Variants in ROBO2 observed in about 807,000 individuals in gnomAD.
ROBO2 encodes roundabout guidance receptor 2.
A neutral mutation model predicts 160.8 loss-of-function variants in ROBO2; 53 were observed. The ratio of observed to expected loss-of-function variants is 0.33; its 90% confidence interval spans 0.26 to 0.41. ROBO2 has a LOEUF of 0.41. Ranked by LOEUF, ROBO2 falls within the 10% of genes least tolerant of loss-of-function variation. The pLI is 1.00. For missense variants in ROBO2, 1,577 were observed against 1,722.4 expected, an observed-to-expected ratio of 0.92 and a Z score of 1.49; for synonymous variants, 664 against 611.7, an observed-to-expected ratio of 1.09 and a Z score of -1.26.
At chr3:77,060,568 T>G (rs997481436) in intron 1 of ROBO2, among the ~76,000 whole-genome samples, 7 of 152,304 alleles carry the variant, frequency 4.6e-5, no homozygotes, top group African/African-American at 1.7e-4. Flanking sequence ...CTTTGGTATA[T>G]TGATCACTTT....
At position 76,218,227 on chromosome 3, in the gene ROBO2, G is replaced by T. The variant is rs1387591919; in HGVS notation, c.109+280625G>T. On this transcript the variant is annotated intron_variant, in intron 2 of 26. Coordinates refer to the ROBO2 transcript ENST00000487694. ...TATCATACTGAATGGACAAAAACTG[G>T]AAGCATTCCCTTTAAAAACTGGCAC... Among the ~76,000 whole-genome samples the T allele has an allele frequency of 2.0e-5, 3 of 152,136 alleles. No homozygotes were observed. In the East Asian group the frequency reaches 5.8e-4, roughly 29 times the overall value.
At chr3:77,589,981 A>C (rs1216850855) in intron 17 of ROBO2, among the ~76,000 whole-genome samples, 1 of 152,098 alleles carries the variant, frequency 6.6e-6, no homozygotes, top group African/African-American at 2.4e-5. Flanking sequence ...CAGAGGCGTC[A>C]TTGATTATTA....
At chr3:76,452,400 C>A (rs2109289526) in intron 2 of ROBO2, among the ~76,000 whole-genome samples, 1 of 152,122 alleles carries the variant, frequency 6.6e-6, no homozygotes, top group African/African-American at 2.4e-5. Flanking sequence ...GTTCAATTCC[C>A]AGCTATAAGT....
intron 2 of ROBO2, among the ~76,000 whole-genome samples, chr3:77,420,819 G>C (rs982135742): frequency 6.6e-6 from 1 of 152,144 alleles, no homozygotes; most frequent in Non-Finnish European, 1.5e-5. Context: ...AGGCATTCTA[G>C]AATGTTTCCC....
chr3:77,020,046 A>G, intron 2 of ROBO2, among the ~76,000 whole-genome samples: 1 of 152,318 alleles, frequency 6.6e-6, no homozygotes, highest in Non-Finnish European at 1.5e-5. Flanking sequence ...TACAGAGCCC[A>G]ACCATTTATT....
At position 76,802,674 on chromosome 3, in the gene ROBO2, G is replaced by A. The variant is rs2064310968; in HGVS notation, c.110-295340G>A. 2.0e-5 allele frequency among the ~76,000 whole-genome samples: 3 copies of A among 148,568 alleles called. No homozygotes were observed. The South Asian group carries it at 6.4e-4, about 32-fold the overall frequency. Reference sequence around the variant, plus strand: ...ACCCAGGAGGCGGAGCTTGCAGTGAGCCAAGATGGCGTCACTGCACTCCAG... The same window carrying A: ...ACCCAGGAGGCGGAGCTTGCAGTGAACCAAGATGGCGTCACTGCACTCCAG... On this transcript the variant is annotated intron_variant, in intron 2 of 26. Coordinates refer to the ROBO2 transcript ENST00000487694.
chr3:76,869,453 C>T (rs372912513), intron 2 of ROBO2, among the ~76,000 whole-genome samples: 24 of 150,406 alleles, frequency 1.6e-4, no homozygotes, highest in African/African-American at 5.4e-4. Flanking sequence ...GGGTTCACGC[C>T]ATTCTCCTGC....
At chr3:76,751,710 A>C (rs1264686186) in intron 2 of ROBO2, among the ~76,000 whole-genome samples, 3 of 152,218 alleles carry the variant, frequency 2.0e-5, no homozygotes, top group African/African-American at 7.2e-5. Flanking sequence ...ATCACTGGCC[A>C]TCAGAGAAAT....
chr3:76,249,763 T>C (rs1404009825), intron 2 of ROBO2, among the ~76,000 whole-genome samples: 2 of 152,074 alleles, frequency 1.3e-5, no homozygotes, highest in African/African-American at 4.8e-5. Context: ...ACAAATGGAA[T>C]GAGAGAGAGG....
At chr3:76,633,156 C>T (rs2090126592) in intron 2 of ROBO2, among the ~76,000 whole-genome samples, 2 of 151,966 alleles carry the variant, frequency 1.3e-5, no homozygotes, top group Admixed American at 6.6e-5. Flanking sequence ...TGTGTCAATA[C>T]CAGGTACTGC....
At chr3:77,034,648 T>C (rs1268875527) in intron 2 of ROBO2, among the ~76,000 whole-genome samples, 1 of 151,918 alleles carries the variant, frequency 6.6e-6, no homozygotes, top group African/African-American at 2.4e-5. Context: ...AGAGATTCAG[T>C]GAGCATACAA....
chr3:77,556,179 CCTT>C (rs2093114471), intron 8 of ROBO2, among the ~76,000 whole-genome samples: 1 of 151,744 alleles, frequency 6.6e-6, no homozygotes, highest in African/African-American at 2.4e-5. Context: ...TGTTCATTGG[CCTT>C]CTCTTTTTGA....
chr3:76,888,995 G>A (rs2074132220), intron 2 of ROBO2, among the ~76,000 whole-genome samples: 1 of 152,192 alleles, frequency 6.6e-6, no homozygotes. Flanking sequence ...ATGTTGGGAA[G>A]GATCTTCATC....
intron 2 of ROBO2, among the ~76,000 whole-genome samples, chr3:76,942,194 C>T (rs974536587): frequency 1.3e-5 from 2 of 152,158 alleles, no homozygotes; most frequent in Non-Finnish European, 2.9e-5. Context: ...GTACTTTAAA[C>T]TTCCTCCTGT....
At chr3:77,044,116 T>G (rs777980853) in intron 1 of ROBO2, among the ~76,000 whole-genome samples, 14 of 151,650 alleles carry the variant, frequency 9.2e-5, no homozygotes, top group Non-Finnish European at 1.9e-4. Context: ...CTACGCAACA[T>G]GTGGACCATA....
intron 2 of ROBO2, among the ~76,000 whole-genome samples, chr3:77,145,954 A>G (rs529163159): frequency 6.6e-6 from 1 of 152,194 alleles, no homozygotes; most frequent in East Asian, 1.9e-4. Flanking sequence ...CACCTGCCTG[A>G]GGTGGTGATT....
At chr3:77,374,426 G>T (rs2072334364) in intron 2 of ROBO2, among the ~76,000 whole-genome samples, 2 of 152,194 alleles carry the variant, frequency 1.3e-5, no homozygotes, top group South Asian at 2.1e-4. Context: ...CAAGTAAATA[G>T]TTATTAAAAA....
At chr3:76,279,767 A>G (rs560021543) in intron 2 of ROBO2, among the ~76,000 whole-genome samples, 9 of 152,036 alleles carry the variant, frequency 5.9e-5, no homozygotes, top group Non-Finnish European at 1.0e-4. Context: ...ATAACGTAAC[A>G]CATAACATAA....
At chr3:77,190,110 T>C (rs946055237) in intron 2 of ROBO2, among the ~76,000 whole-genome samples, 1 of 151,952 alleles carries the variant, frequency 6.6e-6, no homozygotes, top group Non-Finnish European at 1.5e-5. Context: ...TGTTCTTCTG[T>C]AGTAATATAG....
Sources: allele counts gnomAD v4.1 joint callset (sites outside exome capture counted in the v4.1 genomes callset), GRCh38; gene constraint gnomAD v4.1.1; transcripts MANE v1.5; gene names NCBI Gene and HGNC (gene_info 2026-07-23, HGNC 2026-07-21).